Variants in ADAMTS18 observed in about 807,000 individuals in gnomAD.
ADAMTS18 encodes the protein A disintegrin and metalloproteinase with thrombospondin motifs 18.
Under a neutral mutation model 165.9 loss-of-function variants are expected in ADAMTS18, and 157 were observed. The observed-to-expected ratio is 0.95, with a 90% CI of 0.83 to 1.08. ADAMTS18 has a LOEUF of 1.08. ADAMTS18 is among the 50% of genes least tolerant of loss of function. The probability of loss-of-function intolerance (pLI) is 0.00; values close to 1 mark genes in which losing one functional copy is unlikely to be tolerated. For synonymous variants in ADAMTS18, 782 were observed against 578.2 expected (o/e 1.35, Z -5.06); for missense variants, 2,040 against 1,534.0 (o/e 1.33, Z -5.51).
chr16:77,325,716 C>A (rs1236767013), intron 13 of ADAMTS18, 150 bp downstream of exon 13: 1 of 754,272 alleles, frequency 1.3e-6, no homozygotes. Flanking sequence ...TAAACAAAAC[C>A]CATGGAATGA....
chr16:77,296,630 G>A (rs1306272739), intron 18 of ADAMTS18, among the ~76,000 whole-genome samples: 2 of 152,102 alleles, frequency 1.3e-5, no homozygotes, highest in African/African-American at 4.8e-5. Context: ...GGCCAGCCTG[G>A]CCAACATGGC....
chr16:77,371,932 C>A (rs57871482), intron 3 of ADAMTS18, among the ~76,000 whole-genome samples: 2,747 of 152,022 alleles, frequency 0.018, 90 homozygotes, highest in African/African-American at 0.063. Context: ...CAAAAAATAA[C>A]AATAATAATC....
intron 3 of ADAMTS18, among the ~76,000 whole-genome samples, chr16:77,395,760 A>C (rs2057248767): frequency 6.6e-6 from 1 of 152,206 alleles, no homozygotes; most frequent in South Asian, 2.1e-4. Context: ...AAAAATAGTA[A>C]TAATGAAAGG....
chr16:77,343,649 C>T (rs927429011), intron 10 of ADAMTS18, among the ~76,000 whole-genome samples: 13 of 152,278 alleles, frequency 8.5e-5, no homozygotes, highest in African/African-American at 3.1e-4. Flanking sequence ...TAGTAACAAC[C>T]ACTACACTAG....
chr16:77,329,981 A>C (rs539724514), intron 12 of ADAMTS18, among the ~76,000 whole-genome samples: 1 of 152,212 alleles, frequency 6.6e-6, no homozygotes, highest in Non-Finnish European at 1.5e-5. Flanking sequence ...GAAGAGTATT[A>C]GAATCACTTG....
intron 10 of ADAMTS18, among the ~76,000 whole-genome samples, chr16:77,347,428 T>C (rs772484123): frequency 6.6e-6 from 1 of 152,194 alleles, no homozygotes; most frequent in Non-Finnish European, 1.5e-5. Context: ...TCATCAGCAA[T>C]ATGCAGAGTT....
intron 3 of ADAMTS18, among the ~76,000 whole-genome samples, chr16:77,390,457 C>A (rs545280293): frequency 2.6e-5 from 4 of 151,860 alleles, no homozygotes; most frequent in Non-Finnish European, 5.9e-5. Flanking sequence ...TTTCGGAGGC[C>A]GAGGCGGGCA....
At chr16:77,286,485 A>G (rs898656010) in intron 22 of ADAMTS18, among the ~76,000 whole-genome samples, 1 of 152,158 alleles carries the variant, frequency 6.6e-6, no homozygotes, top group Admixed American at 6.5e-5. Flanking sequence ...AAATGGAATT[A>G]CCTTCTTTAA....
intron 3 of ADAMTS18, among the ~76,000 whole-genome samples, chr16:77,382,150 A>G (rs2057040247): frequency 6.6e-6 from 1 of 152,222 alleles, no homozygotes; most frequent in South Asian, 2.1e-4. Flanking sequence ...AAGATACCAT[A>G]TCTTCCCAGC....
intron 3 of ADAMTS18, among the ~76,000 whole-genome samples, chr16:77,417,608 G>C (rs11149990): frequency 3.3e-5 from 5 of 151,978 alleles, no homozygotes; most frequent in African/African-American, 1.2e-4. Context: ...AATTGCAAAA[G>C]AGCTCTTTGC....
chr16:77,425,544 G>A (rs1423535415), intron 3 of ADAMTS18, among the ~76,000 whole-genome samples: 1 of 152,194 alleles, frequency 6.6e-6, no homozygotes, highest in Non-Finnish European at 1.5e-5. Context: ...CAATATGACT[G>A]ACACTTTTTG....
chr16:77,338,219 T>G (rs11641546), intron 11 of ADAMTS18, among the ~76,000 whole-genome samples: 1 of 151,714 alleles, frequency 6.6e-6, no homozygotes, highest in Non-Finnish European at 1.5e-5. Context: ...TTTTCATACA[T>G]ACATATTTTT....
Position 77,434,720 on chromosome 16 carries a change from CG to C in ADAMTS18, c.-26del. 1 of 1,421,174 alleles carries C rather than the reference CG, an allele frequency of 7.0e-7. No individual in the cohort carries two copies. Among genetic ancestry groups the C allele is most frequent in the Non-Finnish European group, 9.2e-7 (1 of 1,088,682 alleles). 88.0% of individuals were successfully genotyped at this position (1,421,174 alleles called of 1,614,324 possible). ...TGGTCAGGTGCGGACGCGGCGGCTG[CG>C]GGTGGCCAGACGCGGCAGGCGGAGC... On this transcript the variant is annotated 5_prime_UTR_variant, in exon 1 of 23. The change abolishes the stop of an existing upstream ORF in the 5' untranslated region. Coordinates refer to ENST00000282849, the MANE Select transcript of ADAMTS18 (RefSeq NM_199355.4).
chr16:77,402,549 G>T (rs1243181019), intron 3 of ADAMTS18, among the ~76,000 whole-genome samples: 1 of 152,192 alleles, frequency 6.6e-6, no homozygotes. Context: ...CACTAATGGG[G>T]ATTTCAACTC....
intron 20 of ADAMTS18, among the ~76,000 whole-genome samples, chr16:77,291,998 A>AT (rs1393648632): frequency 6.6e-6 from 1 of 152,208 alleles, no homozygotes; most frequent in Non-Finnish European, 1.5e-5. Context: ...GGTCAAAAGT[A>AT]TCCTTTTAGG....
intron 10 of ADAMTS18, among the ~76,000 whole-genome samples, chr16:77,344,912 G>C (rs1338692114): frequency 6.6e-6 from 1 of 152,036 alleles, no homozygotes; most frequent in Non-Finnish European, 1.5e-5. Context: ...GCAAATCAGA[G>C]TTTGCACTTT....
intron 15 of ADAMTS18, among the ~76,000 whole-genome samples, chr16:77,320,366 G>T (rs540937025): frequency 6.6e-6 from 1 of 152,030 alleles, no homozygotes; most frequent in Non-Finnish European, 1.5e-5. Context: ...ACCACAAAAG[G>T]CCACAAAATT....
intron 12 of ADAMTS18, among the ~76,000 whole-genome samples, chr16:77,332,969 C>T (rs192550036): frequency 6.6e-6 from 1 of 152,306 alleles, no homozygotes; most frequent in East Asian, 1.9e-4. Flanking sequence ...ATGTACATTC[C>T]TGCAAGGCAA....
chr16:77,397,702 C>A (rs996831172), intron 3 of ADAMTS18, among the ~76,000 whole-genome samples: 19 of 152,334 alleles, frequency 1.2e-4, no homozygotes, highest in Non-Finnish European at 1.9e-4. Flanking sequence ...TTGTTTTGCC[C>A]ATGCAGAGCT....
Sources: allele counts gnomAD v4.1 joint callset (sites outside exome capture counted in the v4.1 genomes callset), GRCh38; gene constraint gnomAD v4.1.1; transcripts MANE v1.5; gene names NCBI Gene and HGNC (gene_info 2026-07-23, HGNC 2026-07-21).